The following CDK5RAP2 variants were observed in gnomAD, a reference collection of about 807,000 sequenced individuals.
CDK5RAP2 encodes CDK5 regulatory subunit associated protein 2, also known as CDK5 regulatory subunit-associated protein 2.
CDK5RAP2 carries 147 observed loss-of-function variants against 232.9 expected under a neutral mutation model. That is an observed-to-expected ratio of 0.63 (90% CI 0.55 to 0.72). The LOEUF (loss-of-function observed/expected upper bound fraction) is 0.72. Ranked by LOEUF, CDK5RAP2 falls within the 30% of genes least tolerant of loss-of-function variation. CDK5RAP2 has a pLI of 0.00. For synonymous variants in CDK5RAP2, 833 were observed against 833.7 expected (o/e 1.00, Z 0.01); for missense variants, 2,195 against 2,231.5 (o/e 0.98, Z 0.33).
At chr9:120,444,130 A>G (rs949683066) in intron 22 of CDK5RAP2, among the ~76,000 whole-genome samples, 1 of 152,234 alleles carries the variant, frequency 6.6e-6, no homozygotes, top group African/African-American at 2.4e-5. Flanking sequence ...ATGGCAAGCT[A>G]GGAGCCAGCA....
chr9:120,401,030 T>C (rs2032965196), intron 34 of CDK5RAP2, 145 bp from the exon 35 acceptor site: 1 of 760,112 alleles, frequency 1.3e-6, no homozygotes, highest in African/African-American at 1.8e-5. Flanking sequence ...AACACCAATT[T>C]ATTGTTCTTA....
At chr9:120,533,959 C>T (rs2041274340) in intron 7 of CDK5RAP2, among the ~76,000 whole-genome samples, 1 of 152,134 alleles carries the variant, frequency 6.6e-6, no homozygotes. Flanking sequence ...GTCACCTCCA[C>T]TTTGGTCACC....
intron 25 of CDK5RAP2, among the ~76,000 whole-genome samples, chr9:120,430,663 G>A (rs1385786185): frequency 1.3e-5 from 2 of 151,352 alleles, no homozygotes; most frequent in African/African-American, 4.8e-5. Flanking sequence ...CACTGTTGGT[G>A]GGACTGTAAA....
intron 1 of CDK5RAP2, among the ~76,000 whole-genome samples, chr9:120,573,641 T>C (rs1482908160): frequency 6.6e-6 from 1 of 151,596 alleles, no homozygotes; most frequent in African/African-American, 2.4e-5. Context: ...AAAACAAATA[T>C]ATACAGTACA....
At chr9:120,571,855 G>T (rs991225467) in intron 2 of CDK5RAP2, 119 bp downstream of exon 2, 1 of 768,980 alleles carries the variant, frequency 1.3e-6, no homozygotes, top group East Asian at 2.5e-5. Flanking sequence ...GAGCACCTAC[G>T]GTGTGCCAGT....
intron 11 of CDK5RAP2, among the ~76,000 whole-genome samples, chr9:120,520,506 G>C (rs1000604286): frequency 6.6e-6 from 1 of 152,262 alleles, no homozygotes; most frequent in South Asian, 2.1e-4. Flanking sequence ...ATCCGGGCAT[G>C]GTGGCATGTG....
intron 29 of CDK5RAP2, among the ~76,000 whole-genome samples, chr9:120,409,702 G>A (rs561048529): frequency 2.8e-4 from 42 of 152,382 alleles, no homozygotes; most frequent in African/African-American, 8.4e-4. Context: ...GGGCTGTGCA[G>A]ATGGCACCTT....
At chr9:120,505,391 T>C (rs1473925791) in intron 12 of CDK5RAP2, among the ~76,000 whole-genome samples, 2 of 152,142 alleles carry the variant, frequency 1.3e-5, no homozygotes, top group African/African-American at 4.8e-5. Flanking sequence ...ATTCCCTGTC[T>C]CCTTCCCTCT....
Position 120,437,289 on chromosome 9 carries a change from A to G in CDK5RAP2, c.3955+6T>C. 1 of 1,601,122 alleles carries G rather than the reference A, an allele frequency of 6.2e-7. No individual in the cohort carries two copies. Among genetic ancestry groups the G allele is most frequent in the Non-Finnish European group, 8.5e-7 (1 of 1,171,002 alleles). Reference sequence around the variant, plus strand: ...TCTTAAGACTCGCGTACCTCACCCTACCTACCGTTGAGAAATAGCTTTTCC... The same window carrying G: ...TCTTAAGACTCGCGTACCTCACCCTGCCTACCGTTGAGAAATAGCTTTTCC... On this transcript the variant is annotated splice_donor_region_variant and intron_variant, in intron 25 of 37. Transcript: ENST00000349780.
At chr9:120,425,847 G>A (rs2034861086) in intron 25 of CDK5RAP2, among the ~76,000 whole-genome samples, 1 of 152,200 alleles carries the variant, frequency 6.6e-6, no homozygotes, top group Admixed American at 6.5e-5. Flanking sequence ...AGAGATGAAT[G>A]AGGAGCCACC....
intron 12 of CDK5RAP2, among the ~76,000 whole-genome samples, chr9:120,495,871 C>G (rs1301238482): frequency 7.2e-4 from 31 of 42,962 alleles, no homozygotes; most frequent in African/African-American, 2.6e-3. Flanking sequence ...CCCGGCCGCC[C>G]CTACTGGGAA....
intron 36 of CDK5RAP2, among the ~76,000 whole-genome samples, chr9:120,392,310 T>C (rs1229093069): frequency 1.3e-5 from 2 of 152,170 alleles, no homozygotes; most frequent in Non-Finnish European, 2.9e-5. Flanking sequence ...CAGTTAGAGA[T>C]GAGGAATCGA....
At chr9:120,510,775 GT>G (rs1226225865) in intron 12 of CDK5RAP2, among the ~76,000 whole-genome samples, 2 of 152,172 alleles carry the variant, frequency 1.3e-5, no homozygotes, top group African/African-American at 4.8e-5. Context: ...GGTCTCCTGA[GT>G]TTCCTTCAAG....
chr9:120,440,177 C>T, intron 23 of CDK5RAP2: 3 of 600,372 alleles, frequency 5.0e-6, no homozygotes, highest in Non-Finnish European at 8.9e-6. Context: ...TAGTCTTTCC[C>T]TCTTTACCCC....
chr9:120,437,278 T>C lies in CDK5RAP2; in HGVS notation c.3955+17A>G. On this transcript the variant is annotated intron_variant, in intron 25 of 37. Coordinates refer to ENST00000349780, the MANE Select transcript of CDK5RAP2 (RefSeq NM_018249.6). ...AATTACTGATGTCTTAAGACTCGCG[T>C]ACCTCACCCTACCTACCGTTGAGAA... The C allele has an allele frequency of 6.4e-7, 1 of 1,572,302 alleles. No homozygotes were observed. Among genetic ancestry groups the C allele is most frequent in the Non-Finnish European group, 8.7e-7 (1 of 1,147,764 alleles).
chr9:120,456,724 G>GT (rs2131426846), intron 20 of CDK5RAP2, among the ~76,000 whole-genome samples: 1 of 152,242 alleles, frequency 6.6e-6, no homozygotes, highest in South Asian at 2.1e-4. Flanking sequence ...AGATTAAAAA[G>GT]TAATGACAAT....
intron 13 of CDK5RAP2, 58 bp downstream of exon 13, chr9:120,491,249 T>C (rs2038887919): frequency 6.3e-6 from 8 of 1,263,272 alleles, no homozygotes; most frequent in Admixed American, 5.2e-5. Flanking sequence ...AAAGAATTAT[T>C]TTTTAAAAAA....
intron 5 of CDK5RAP2, among the ~76,000 whole-genome samples, chr9:120,543,918 C>T (rs1447022534): frequency 3.3e-5 from 5 of 152,080 alleles, no homozygotes; most frequent in Non-Finnish European, 5.9e-5. Context: ...CTTTATTTTT[C>T]CTCATAGCTC....
chr9:120,528,216 CAG>C (rs911750972), intron 9 of CDK5RAP2, among the ~76,000 whole-genome samples: 1 of 152,232 alleles, frequency 6.6e-6, no homozygotes, highest in Admixed American at 6.5e-5. Flanking sequence ...TACAGTCAGT[CAG>C]AGTCTTTGAA....
Sources: gnomAD v4.1 joint callset for allele counts (sites outside exome capture counted in the v4.1 genomes callset) on GRCh38, gnomAD v4.1.1 for gene constraint, MANE v1.5 for transcripts, NCBI Gene and HGNC (gene_info 2026-07-23, HGNC 2026-07-21) for gene names.